PXDN: variants seen among roughly 807,000 people sequenced by gnomAD.
The protein encoded by PXDN is peroxidasin homolog.
PXDN carries 77 observed loss-of-function variants against 140.3 expected under a neutral mutation model. The ratio of observed to expected loss-of-function variants is 0.55; its 90% CI spans 0.46 to 0.66. The LOEUF (loss-of-function observed/expected upper bound fraction) is 0.66, where lower values mean the gene tolerates loss of function less well. Among genes scored for constraint, PXDN ranks in the 30% least tolerant of loss-of-function variants. PXDN has a pLI of 0.00. For missense variants in PXDN, 1,838 were observed against 2,039.5 expected (o/e 0.90, Z 1.90); for synonymous variants, 911 against 857.4 (o/e 1.06, Z -1.09).
intron 1 of PXDN, among the ~76,000 whole-genome samples, chr2:1,711,028 A>ACT (rs1684759070): frequency 6.5e-5 from 1 of 15,336 alleles, no homozygotes; most frequent in Non-Finnish European, 1.2e-4. Flanking sequence ...ACCAGCACCC[A>ACT]CTCCACCAGC....
At chr2:1,716,434 T>A (rs1572187793) in intron 1 of PXDN, among the ~76,000 whole-genome samples, 1 of 88,004 alleles carries the variant, frequency 1.1e-5, no homozygotes, top group East Asian at 8.4e-4. Context: ...TGAGACTCCA[T>A]CTCAGGAAAA....
At chr2:1,691,814 C>T (rs1684187644) in intron 3 of PXDN, 114 bp downstream of exon 3, 1 of 662,598 alleles carries the variant, frequency 1.5e-6, no homozygotes, top group Admixed American at 3.7e-5. Flanking sequence ...AAAATAAAAC[C>T]TCATTTAAAT....
chr2:1,648,703 A>G lies in PXDN; in HGVS notation c.3077T>C (p.Ile1026Thr). ...YETRKIVGAE[I>T]QHITYQHWLP... ...CCAGTGCTGGTAGGTGATGTGCTGG[A>G]TCTCCGCACCCACGATCTTCCTGGT... The change falls in exon 17 of 23, where the codon ATC becomes ACC. Residue 1026 changes from isoleucine (I) to threonine (T), a missense_variant. Around this residue, in one of 5 missense-constraint regions of PXDN, gnomAD observed 850 missense variants for 894.1 expected, o/e 0.95. Transcript: ENST00000252804. The surrounding 1 kb of genome is among the most constrained non-coding windows in gnomAD (Gnocchi z 8.9). 6.2e-7 allele frequency: 1 copy of G among 1,606,150 alleles called. No homozygotes were observed. Among genetic ancestry groups the G allele is most frequent in the East Asian group, 2.2e-5 (1 of 44,458 alleles).
At position 1,639,254 on chromosome 2, in the gene PXDN, G is replaced by A. The variant is rs143217094; in HGVS notation, c.4073+48C>T. 98 of 1,580,694 alleles carry A rather than the reference G, an allele frequency of 6.2e-5. No individual in the cohort carries two copies. The African/African-American group carries it at 1.0e-3, about 16-fold the overall frequency. The stretch of plus-strand genomic sequence containing the variant: ...GCCGGTCCTACTGCCCGACGCCCGC[G>A]GTGCGAGGGCCCCTCTGCACATCAT... On this transcript the variant is annotated intron_variant, in intron 20 of 22. Transcript: ENST00000252804. The surrounding 1 kb of genome is among the most constrained non-coding windows in gnomAD (Gnocchi z 5.0).
intron 2 of PXDN, among the ~76,000 whole-genome samples, chr2:1,692,277 G>A (rs1684199192): frequency 6.6e-6 from 1 of 152,214 alleles, no homozygotes; most frequent in Non-Finnish European, 1.5e-5. Context: ...ATAGAAGGGA[G>A]TTTGTATCTT....
In PXDN at chr2:1,649,585, C is replaced by A; in HGVS notation, c.2195G>T (p.Cys732Phe). ...CTTCTGGTGGAAGCACATGTCCGAG[C>A]AGTTGTTCACGCGCCGGTGGGCGGT... ...GCTAHRRVNN[C>F]SDMCFHQKYR... Residue 732 changes from cysteine (C) to phenylalanine (F), a missense_variant, in exon 17 of 23, where the codon TGC (cysteine) becomes TTC (phenylalanine). By Grantham distance (205) the Cys-to-Phe change is radical. Around this residue, in one of 5 missense-constraint regions of PXDN, gnomAD observed 537 missense variants for 583.9 expected, o/e 0.92. Coordinates refer to ENST00000252804, the MANE Select transcript of PXDN (RefSeq NM_012293.3). The surrounding 1 kb of genome is among the most constrained non-coding windows in gnomAD (Gnocchi z 7.1). 6.2e-7 allele frequency: 1 copy of A among 1,614,048 alleles called. No homozygotes were observed. The highest frequency in any genetic ancestry group is 2.2e-5 in the East Asian group (1 of 44,872).
intron 1 of PXDN, among the ~76,000 whole-genome samples, chr2:1,739,030 C>T (rs1477557268): frequency 6.6e-6 from 1 of 152,154 alleles, no homozygotes; most frequent in Non-Finnish European, 1.5e-5. Flanking sequence ...GGTAAGGGGC[C>T]CTCATCAGCT....
intron 9 of PXDN, among the ~76,000 whole-genome samples, chr2:1,668,220 C>G (rs541208942): frequency 2.0e-5 from 3 of 152,070 alleles, no homozygotes; most frequent in Non-Finnish European, 4.4e-5. Flanking sequence ...CTATTTAATA[C>G]ATGGTGCTGG....
Position 1,663,509 on chromosome 2 carries a change from T to A in PXDN, c.1567+96A>T, listed in dbSNP as rs201928168. 6.4e-5 allele frequency: 96 copies of A among 1,503,600 alleles called. No individual in the cohort carries two copies. The East Asian group carries it at 2.2e-3, about 34-fold the overall frequency. The allele number at this position is 1,503,600 out of a possible 1,614,324, so 93.1% of individuals were successfully genotyped here. A position where few individuals can be genotyped will look rare whatever the true frequency, so the allele number is the denominator to read the frequency against. On this transcript the variant is annotated intron_variant, in intron 12 of 22. Coordinates refer to ENST00000252804, the MANE Select transcript of PXDN (RefSeq NM_012293.3). The stretch of plus-strand genomic sequence containing the variant: ...TGCAGAGAGAACAGCCAACGCTTTA[T>A]AACGAAGAGTAACACTAATGTCAGC...
intron 1 of PXDN, among the ~76,000 whole-genome samples, chr2:1,738,796 C>T (rs1685475137): frequency 6.6e-6 from 1 of 152,230 alleles, no homozygotes. Context: ...ATCTGCCCGC[C>T]TTGGCCTCCC....
intron 1 of PXDN, among the ~76,000 whole-genome samples, chr2:1,738,333 CG>C (rs1685464380): frequency 1.3e-5 from 2 of 152,098 alleles, no homozygotes; most frequent in African/African-American, 4.8e-5. Flanking sequence ...TGAGTAGGAG[CG>C]GGGAAGATCT....
intron 10 of PXDN, among the ~76,000 whole-genome samples, 170 bp downstream of exon 10, chr2:1,666,044 C>T (rs533047539): frequency 2.6e-5 from 4 of 152,324 alleles, no homozygotes; most frequent in African/African-American, 7.2e-5. Context: ...AATCTACAAA[C>T]TGCAGTCGTC....
intron 17 of PXDN, among the ~76,000 whole-genome samples, chr2:1,647,571 C>T (rs546821429): frequency 2.6e-5 from 4 of 152,306 alleles, no homozygotes; most frequent in South Asian, 4.1e-4. Context: ...CAAGGAGAAC[C>T]GCACCCACAG....
intron 8 of PXDN, 79 bp from the exon 9 acceptor site, chr2:1,673,891 C>A: frequency 6.7e-7 from 1 of 1,483,622 alleles, no homozygotes; most frequent in Non-Finnish European, 9.3e-7. Flanking sequence ...ACAGGGGTTT[C>A]CAGCCCTGCA....
At chr2:1,636,711 G>T (rs1405127651) in intron 21 of PXDN, 1 of 146,044 alleles carries the variant, frequency 6.8e-6, no homozygotes, top group Non-Finnish European at 1.5e-5. Context: ...AAAAAAAAAG[G>T]AAGCCTCAGG....
rs988982501 is a variant in PXDN, at chr2:1,633,369, GT to G, written c.*834del. 1.1e-4 allele frequency: 17 copies of G among 151,874 alleles called. No individual in the cohort carries two copies. The highest frequency in any genetic ancestry group is 2.5e-4 in the Non-Finnish European group (17 of 68,000). 9.4% of individuals were successfully genotyped at this position (151,874 alleles called of 1,614,324 possible). ...TCAGATACACAATGGGATGAAGGAG[GT>G]TTTTTCACATTTGGTTCACAACTAG... On this transcript the variant is annotated 3_prime_UTR_variant, in exon 23 of 23. Coordinates refer to ENST00000252804, the MANE Select transcript of PXDN (RefSeq NM_012293.3).
intron 8 of PXDN, among the ~76,000 whole-genome samples, chr2:1,674,789 C>T (rs1683657671): frequency 6.6e-6 from 1 of 152,188 alleles, no homozygotes. Context: ...CTCCTACTTG[C>T]AGATCACCAA....
In PXDN at chr2:1,721,737, G is replaced by A. The variant is rs749020366; in HGVS notation, c.200+22519C>T. Among the ~76,000 whole-genome samples, 130 of 152,284 alleles carry A rather than the reference G, an allele frequency of 8.5e-4. 1 individual carries two copies. The highest frequency in any genetic ancestry group is 1.2e-3 in the South Asian group (6 of 4,824). Reference sequence around the variant, plus strand: ...AGCTACTTGGGAGACTGAGGCAGGAGAATGGCGTGAACCCAGGAGGTGGAG... The same window carrying A: ...AGCTACTTGGGAGACTGAGGCAGGAAAATGGCGTGAACCCAGGAGGTGGAG... On this transcript the variant is annotated intron_variant, in intron 1 of 22. Transcript: ENST00000252804.
chr2:1,665,485 A>G, intron 10 of PXDN, among the ~76,000 whole-genome samples: 1 of 152,246 alleles, frequency 6.6e-6, no homozygotes, highest in East Asian at 1.9e-4. Flanking sequence ...TCACTGGATG[A>G]AAAACATAAC....
Sources: gnomAD v4.1 joint callset for allele counts (sites outside exome capture counted in the v4.1 genomes callset) on GRCh38, gnomAD v4.1.1 for gene constraint, gnomAD v4.1.1 regional missense constraint, Gnocchi (gnomAD v3.1) non-coding constraint, MANE v1.5 for transcripts, NCBI Gene and HGNC (gene_info 2026-07-23, HGNC 2026-07-21) for gene names.